Variants in ARID4B observed in about 807,000 individuals in gnomAD.
ARID4B encodes AT-rich interaction domain 4B.
In ARID4B, 26 loss-of-function variants were observed where a neutral mutation model predicts 147.5. That is an observed-to-expected ratio of 0.18 (90% CI 0.13 to 0.24). The LOEUF is 0.24. Ranked by LOEUF, ARID4B falls within the 10% of genes least tolerant of loss-of-function variation. The pLI is 1.00. For synonymous variants in ARID4B, 512 were observed against 507.9 expected, an observed-to-expected ratio of 1.01 and a Z score of -0.11; for missense variants, 1,179 against 1,511.5, an observed-to-expected ratio of 0.78 and a Z score of 3.65.
At chr1:235,257,265 A>C (rs931708792) in intron 3 of ARID4B, 40 bp from the exon 4 acceptor site, 1 of 1,311,074 alleles carries the variant, frequency 7.6e-7, no homozygotes, top group Non-Finnish European at 1.1e-6. Flanking sequence ...AAAATAAACC[A>C]AGCAACACAA....
intron 8 of ARID4B, among the ~76,000 whole-genome samples, chr1:235,234,985 TG>T (rs1412007293): frequency 6.6e-6 from 1 of 152,122 alleles, no homozygotes; most frequent in African/African-American, 2.4e-5. Flanking sequence ...ATGAAGAAAA[TG>T]GACCACGCAG....
intron 2 of ARID4B, among the ~76,000 whole-genome samples, chr1:235,286,060 G>GTTTTTTTTTTT (rs59183748): frequency 6.3e-4 from 95 of 151,474 alleles, no homozygotes; most frequent in Admixed American, 1.2e-3. Flanking sequence ...GTTTTGTTTT[G>GTTTTTTTTTTT]TTTTGAGATA....
At chr1:235,267,801 G>T (rs1487826615) in intron 2 of ARID4B, among the ~76,000 whole-genome samples, 3 of 152,144 alleles carry the variant, frequency 2.0e-5, no homozygotes, top group Non-Finnish European at 4.4e-5. Flanking sequence ...CTACTCGGGA[G>T]GCTGAGGCAG....
Position 235,219,833 on chromosome 1 carries a change from TGAG to T in ARID4B, c.1540_1542del (p.Leu514del). The T allele has an allele frequency of 6.2e-7, 1 of 1,602,702 alleles. No individual in the cohort carries two copies. The highest frequency in any genetic ancestry group is 1.3e-5 in the African/African-American group (1 of 74,286). On this transcript the variant is annotated inframe_deletion, in exon 16 of 24. Coordinates refer to ENST00000264183, the MANE Select transcript of ARID4B (RefSeq NM_016374.6). The stretch of plus-strand genomic sequence containing the variant: ...TCTTCCTCAGCTTCTACCTTTATGT[TGAG>T]GGATTCATCTACCCTAGTTGTGTCA...
At chr1:235,294,937 T>G (rs1483895022) in intron 2 of ARID4B, among the ~76,000 whole-genome samples, 1 of 151,700 alleles carries the variant, frequency 6.6e-6, no homozygotes, top group Non-Finnish European at 1.5e-5. Context: ...TGTTCTATTT[T>G]CAACTGCTGA....
intron 2 of ARID4B, among the ~76,000 whole-genome samples, chr1:235,301,928 G>A (rs1334446666): frequency 6.6e-6 from 1 of 151,272 alleles, no homozygotes; most frequent in Non-Finnish European, 1.5e-5. Flanking sequence ...CCTGACCTCA[G>A]GTGATCCGCC....
chr1:235,312,909 G>T (rs1572220265), intron 2 of ARID4B, among the ~76,000 whole-genome samples: 1 of 152,214 alleles, frequency 6.6e-6, no homozygotes, highest in Middle Eastern at 3.4e-3. Context: ...GGAGGCGGAG[G>T]TTGCACTGAG....
rs1264196304 is a variant in ARID4B, at chr1:235,255,220, T to TATATATATATATATAGAG, written c.274+439_274+440insCTCTATATATATATATAT. On this transcript the variant is annotated intron_variant, in intron 5 of 23. Coordinates refer to ENST00000264183, the MANE Select transcript of ARID4B (RefSeq NM_016374.6). ...TACTACTTTGTTTCCTGCTGGGAGC[T>TATATATATATATATAGAG]AGATAGATAGATAGATAGATAGATA... Among the ~76,000 whole-genome samples, 93 of 62,388 alleles carry TATATATATATATATAGAG rather than the reference T, an allele frequency of 1.5e-3. 1 individual carries two copies. The highest frequency in any genetic ancestry group is 4.3e-3 in the South Asian group (7 of 1,614). The allele number at this position is 62,388 out of a possible 152,430, so 40.9% of individuals were successfully genotyped here.
At position 235,293,920 on chromosome 1, in the gene ARID4B, T is replaced by C. The variant is rs548069225; in HGVS notation, c.6+32994A>G. Among the ~76,000 whole-genome samples the C allele has an allele frequency of 2.0e-5, 3 of 152,320 alleles. No homozygotes were observed. The East Asian group carries it at 5.8e-4, about 29-fold the overall frequency. On this transcript the variant is annotated intron_variant, in intron 2 of 23. Transcript: ENST00000264183. Reference sequence around the variant, plus strand: ...TGTAATCTGGAAGTCTGACTTTATGTCAGAAATTTCAGTATATTAGACTGT... The same window carrying C: ...TGTAATCTGGAAGTCTGACTTTATGCCAGAAATTTCAGTATATTAGACTGT...
chr1:235,309,738 A>G (rs971950800), intron 2 of ARID4B, among the ~76,000 whole-genome samples: 2 of 151,522 alleles, frequency 1.3e-5, no homozygotes, highest in Non-Finnish European at 3.0e-5. Context: ...GAAAGGGGGG[A>G]AAGGTGGGGA....
intron 2 of ARID4B, among the ~76,000 whole-genome samples, chr1:235,306,748 C>T (rs1673597030): frequency 2.6e-5 from 4 of 151,908 alleles, no homozygotes; most frequent in Admixed American, 2.0e-4. Flanking sequence ...TTTCACCTCC[C>T]GGATTCAAGC....
chr1:235,182,745 G>A lies in ARID4B; in HGVS notation c.2174C>T (p.Ala725Val), dbSNP rs1286873207. Residue 725 changes from alanine to valine, a missense_variant, in exon 20 of 24, where the codon GCT becomes GTT. Ala to Val is a moderately conservative substitution (Grantham distance 64). Coordinates refer to ENST00000264183, the MANE Select transcript of ARID4B (RefSeq NM_016374.6). ...EDSEQEDERG[A>V]QDMDNNGKEE... ...TTTGCCATTATTATCCATGTCTTGA[G>A]CACCTCTCTCATCTTCCTGCTCACT... The A allele has an allele frequency of 6.2e-7, 1 of 1,609,614 alleles. No homozygotes were observed. Among genetic ancestry groups the A allele is most frequent in the East Asian group, 2.2e-5 (1 of 44,854 alleles).
intron 22 of ARID4B, among the ~76,000 whole-genome samples, chr1:235,173,255 A>G (rs1249593569): frequency 6.6e-6 from 1 of 152,174 alleles, no homozygotes. Flanking sequence ...GGGGCAGGAT[A>G]ATCGCTTGAA....
chr1:235,173,754 AAAAAAAAAAAAAAAAAAATATATAT>A (rs1263779514), intron 22 of ARID4B, among the ~76,000 whole-genome samples: 58 of 40,624 alleles, frequency 1.4e-3, no homozygotes, highest in Non-Finnish European at 1.9e-3. Flanking sequence ...AAAAAAAAAA[AAAAAAAAAAAAAAAAAAATATATAT>A]ATATATATAT....
At position 235,259,393 on chromosome 1, in the gene ARID4B, G is replaced by C. The variant is rs117901377; in HGVS notation, c.117+1249C>G. 1.4e-4 allele frequency among the ~76,000 whole-genome samples: 21 copies of C among 152,370 alleles called. No individual in the cohort carries two copies. The East Asian group carries it at 4.0e-3, about 29-fold the overall frequency. On this transcript the variant is annotated intron_variant, in intron 3 of 23. Transcript: ENST00000264183. Reference sequence around the variant, plus strand: ...TGTCTTTTCCAACTGGCACAAACTTGCTATCTGCATGCCAAGCGCTGCTAA... The same window carrying C: ...TGTCTTTTCCAACTGGCACAAACTTCCTATCTGCATGCCAAGCGCTGCTAA...
intron 12 of ARID4B, among the ~76,000 whole-genome samples, chr1:235,223,820 T>C (rs1196876152): frequency 6.6e-6 from 1 of 151,850 alleles, no homozygotes; most frequent in Non-Finnish European, 1.5e-5. Flanking sequence ...ACAAAATATA[T>C]GACTGGCTTA....
intron 3 of ARID4B, among the ~76,000 whole-genome samples, chr1:235,259,846 T>C (rs1275637113): frequency 6.6e-6 from 1 of 152,194 alleles, no homozygotes; most frequent in Non-Finnish European, 1.5e-5. Context: ...TCTATGTAAT[T>C]GGTGAAATAA....
At chr1:235,320,609 G>C (rs932947296) in intron 2 of ARID4B, among the ~76,000 whole-genome samples, 2 of 152,026 alleles carry the variant, frequency 1.3e-5, no homozygotes, top group Non-Finnish European at 2.9e-5. Flanking sequence ...CCCTTCAAAG[G>C]GTTCCTAACA....
intron 6 of ARID4B, among the ~76,000 whole-genome samples, chr1:235,249,274 A>G (rs943029987): frequency 2.0e-5 from 3 of 152,182 alleles, no homozygotes; most frequent in African/African-American, 7.2e-5. Context: ...CAGAGGTTAC[A>G]GTAAGCCAAG....
Sources: gnomAD v4.1 joint callset for allele counts (sites outside exome capture counted in the v4.1 genomes callset) on GRCh38, gnomAD v4.1.1 for gene constraint, MANE v1.5 for transcripts, NCBI Gene and HGNC (gene_info 2026-07-23, HGNC 2026-07-21) for gene names.